The following CEP70 variants were observed in gnomAD, a reference collection of about 807,000 sequenced individuals.
CEP70 encodes centrosomal protein 70, also known as centrosomal protein of 70 kDa.
CEP70 carries 70 observed loss-of-function variants against 90.9 expected under a neutral mutation model. That is an observed-to-expected ratio of 0.77 (90% CI 0.64 to 0.94). The LOEUF (loss-of-function observed/expected upper bound fraction) is 0.94. Among genes scored for constraint, CEP70 ranks in the 40% least tolerant of loss-of-function variants. CEP70 has a pLI of 0.00. For missense variants in CEP70, 648 were observed against 669.0 expected, an observed-to-expected ratio of 0.97 and a Z score of 0.35; for synonymous variants, 220 against 228.3, an observed-to-expected ratio of 0.96 and a Z score of 0.33.
chr3:138,529,583 T>A (rs2037624457), intron 8 of CEP70, 121 bp from the exon 9 acceptor site: 1 of 645,558 alleles, frequency 1.5e-6, no homozygotes. Flanking sequence ...CCACATTTCC[T>A]ACTTGTTCTC....
At chr3:138,558,589 T>C (rs530028947) in intron 6 of CEP70, among the ~76,000 whole-genome samples, 12 of 152,262 alleles carry the variant, frequency 7.9e-5, no homozygotes, top group Admixed American at 2.0e-4. Flanking sequence ...CTAGGAATAA[T>C]GATGAACTAG....
chr3:138,544,506 A>AGTGT (rs1174927261), intron 6 of CEP70, among the ~76,000 whole-genome samples: 6 of 132,670 alleles, frequency 4.5e-5, no homozygotes, highest in South Asian at 4.6e-4. Flanking sequence ...CCCACTACAG[A>AGTGT]GTGTGTATGT....
chr3:138,574,763 A>G (rs755477923), intron 2 of CEP70, among the ~76,000 whole-genome samples: 11 of 152,202 alleles, frequency 7.2e-5, no homozygotes, highest in Admixed American at 3.3e-4. Context: ...TCAGGCAGCA[A>G]TATTTGCTGT....
intron 6 of CEP70, among the ~76,000 whole-genome samples, chr3:138,568,987 A>ATC (rs1560430840): frequency 6.7e-6 from 1 of 150,106 alleles, no homozygotes; most frequent in Non-Finnish European, 1.5e-5. Flanking sequence ...CTGTCTAAAA[A>ATC]AACAAACAAA....
At chr3:138,500,054 G>T in intron 16 of CEP70, 56 bp downstream of exon 16, 2 of 1,179,778 alleles carry the variant, frequency 1.7e-6, no homozygotes, top group South Asian at 1.2e-5. Flanking sequence ...CTACAGGCGT[G>T]TGCCACCACA....
In CEP70 at chr3:138,578,718, C is replaced by A. The variant is rs538844361; in HGVS notation, c.-5-5786G>T. Among the ~76,000 whole-genome samples, 601 of 152,296 alleles carry A rather than the reference C, an allele frequency of 3.9e-3. 3 individuals carry two copies. Among genetic ancestry groups the A allele is most frequent in the African/African-American group, 0.014 (578 of 41,562 alleles). On this transcript the variant is annotated intron_variant, in intron 2 of 17. Transcript: ENST00000264982. ...TGTTAGAAAAGCTTTCCTGAACTCTCAACCATTATAAAAGTTCAGAAAAAC... is the reference window on the plus strand; with the variant it reads ...TGTTAGAAAAGCTTTCCTGAACTCTAAACCATTATAAAAGTTCAGAAAAAC...
chr3:138,543,416 A>G (rs1412867088), intron 6 of CEP70, among the ~76,000 whole-genome samples: 1 of 152,238 alleles, frequency 6.6e-6, no homozygotes, highest in Non-Finnish European at 1.5e-5. Flanking sequence ...GTGCTCAGCC[A>G]CAACTTCACT....
chr3:138,511,547 G>A (rs974236151), intron 11 of CEP70, among the ~76,000 whole-genome samples: 22 of 152,302 alleles, frequency 1.4e-4, no homozygotes, highest in African/African-American at 5.3e-4. Flanking sequence ...ATGTTACACT[G>A]TAGATATACA....
chr3:138,517,737 C>G lies in CEP70; in HGVS notation c.944+7753G>C, dbSNP rs976040634. On this transcript the variant is annotated intron_variant, in intron 11 of 17. Coordinates refer to ENST00000264982, the MANE Select transcript of CEP70 (RefSeq NM_024491.4). Reference sequence around the variant, plus strand: ...ATGGCCAAATAGGAACAGCTCCAGTCTACAACTCCCTGCATGAGCAACGCA... The same window carrying G: ...ATGGCCAAATAGGAACAGCTCCAGTGTACAACTCCCTGCATGAGCAACGCA... Among the ~76,000 whole-genome samples the G allele has an allele frequency of 3.3e-5, 5 of 152,188 alleles. 1 individual carries two copies. Among genetic ancestry groups the G allele is most frequent in the African/African-American group, 1.2e-4 (5 of 41,458 alleles).
Position 138,572,910 on chromosome 3 carries a change from AGGGGCT to A in CEP70, c.12_17del (p.Ala5_Pro6del). The A allele has an allele frequency of 6.2e-7, 1 of 1,611,484 alleles. No individual in the cohort carries two copies. Among genetic ancestry groups the A allele is most frequent in the Non-Finnish European group, 8.5e-7 (1 of 1,178,396 alleles). On this transcript the variant is annotated inframe_deletion, in exon 3 of 18. Coordinates refer to ENST00000264982, the MANE Select transcript of CEP70 (RefSeq NM_024491.4). Reference sequence around the variant, plus strand: ...ATGGTTGACTGGAATCCTGGGGTTTAGGGGCTACCGGAAACATAGTTACTTTTGTAG... The same window carrying A: ...ATGGTTGACTGGAATCCTGGGGTTTAACCGGAAACATAGTTACTTTTGTAG...
At chr3:138,581,694 C>CAAAAAAAAAAAAAAAAAA (rs35064874) in intron 2 of CEP70, among the ~76,000 whole-genome samples, 57 of 79,204 alleles carry the variant, frequency 7.2e-4, no homozygotes, top group Non-Finnish European at 8.1e-4. Flanking sequence ...AAACTTGTCT[C>CAAAAAAAAAAAAAAAAAA]AAAAAAAAAA....
chr3:138,511,885 G>A (rs1476320979), intron 11 of CEP70, among the ~76,000 whole-genome samples: 1 of 152,118 alleles, frequency 6.6e-6, no homozygotes, highest in Non-Finnish European at 1.5e-5. Flanking sequence ...GCCATTAACA[G>A]TATTACTGAA....
intron 6 of CEP70, among the ~76,000 whole-genome samples, chr3:138,540,480 T>TAAA (rs35741273): frequency 3.2e-5 from 4 of 123,676 alleles, no homozygotes; most frequent in Non-Finnish European, 1.7e-5. Flanking sequence ...CAAGACTATG[T>TAAA]AAAAAAAAAA....
chr3:138,516,379 T>A (rs951234925), intron 11 of CEP70, among the ~76,000 whole-genome samples: 4 of 152,080 alleles, frequency 2.6e-5, no homozygotes, highest in African/African-American at 9.6e-5. Context: ...TCTATTATCT[T>A]TTTTTTGGGG....
chr3:138,532,942 T>C (rs2037953195), intron 7 of CEP70, among the ~76,000 whole-genome samples: 1 of 152,118 alleles, frequency 6.6e-6, no homozygotes, highest in South Asian at 2.1e-4. Flanking sequence ...ATAATTTAAC[T>C]CTCCATCAGG....
chr3:138,545,627 G>A (rs966592836), intron 6 of CEP70, among the ~76,000 whole-genome samples: 8 of 151,988 alleles, frequency 5.3e-5, no homozygotes, highest in African/African-American at 1.7e-4. Flanking sequence ...TTCTTCTTTC[G>A]GAGAGCCTAT....
intron 11 of CEP70, among the ~76,000 whole-genome samples, chr3:138,515,467 C>CAAAAAAAAA (rs145902706): frequency 6.1e-5 from 4 of 65,388 alleles, no homozygotes; most frequent in African/African-American, 1.8e-4. Flanking sequence ...CATAGAAATG[C>CAAAAAAAAA]AAAAAAAAAA....
intron 16 of CEP70, chr3:138,499,782 C>A (rs1576507032): frequency 8.4e-6 from 1 of 118,812 alleles, no homozygotes; most frequent in African/African-American, 7.6e-5. Context: ...ATCTCTCTCT[C>A]TACACACACA....
chr3:138,593,240 T>G (rs1280638872), intron 1 of CEP70, among the ~76,000 whole-genome samples: 1 of 152,112 alleles, frequency 6.6e-6, no homozygotes, highest in Non-Finnish European at 1.5e-5. Context: ...CATATATTTT[T>G]GAGACAGAGT....
Sources: gnomAD v4.1 joint callset for allele counts (sites outside exome capture counted in the v4.1 genomes callset) on GRCh38, gnomAD v4.1.1 for gene constraint, MANE v1.5 for transcripts, NCBI Gene and HGNC (gene_info 2026-07-23, HGNC 2026-07-21) for gene names.